RNF213: variants seen among roughly 807,000 people sequenced by gnomAD.
RNF213 encodes ring finger protein 213.
Under a neutral mutation model 514.4 loss-of-function variants are expected in RNF213, and 341 were observed. That is an observed-to-expected ratio of 0.66 (90% CI 0.61 to 0.73). The LOEUF is 0.73. RNF213 is among the 30% of genes least tolerant of loss of function. The pLI is 0.00. For synonymous variants in RNF213, 2,655 were observed against 2,658.2 expected, an observed-to-expected ratio of 1.00 and a Z score of 0.04; for missense variants, 5,767 against 6,615.6, an observed-to-expected ratio of 0.87 and a Z score of 4.45.
intron 3 of RNF213, among the ~76,000 whole-genome samples, chr17:80,277,672 G>A (rs1215413119): frequency 6.6e-6 from 1 of 151,160 alleles, no homozygotes; most frequent in African/African-American, 2.4e-5. Flanking sequence ...ATACACAGGT[G>A]AATGCCGATG....
rs1302175796 is a variant in RNF213 at position 80,353,842 on chromosome 17, G to T, written c.10578+176G>T. ...TGTTGCTGGTTACTGGGGGTCAAGGGCATCTGCACCGGCAGTTTGGGGGGT... is the reference window on the plus strand; with the variant it reads ...TGTTGCTGGTTACTGGGGGTCAAGGTCATCTGCACCGGCAGTTTGGGGGGT... On this transcript the variant is annotated intron_variant, in intron 34 of 67. Transcript: ENST00000582970. The surrounding 1 kb of genome is among the most constrained non-coding windows in gnomAD (Gnocchi z 5.0). 1.7e-6 allele frequency: 2 copies of T among 1,194,480 alleles called. No homozygotes were observed. The highest frequency in any genetic ancestry group is 1.5e-5 in the African/African-American group (1 of 66,648). 74.0% of individuals were successfully genotyped at this position (1,194,480 alleles called of 1,614,324 possible). A position where few individuals can be genotyped will look rare whatever the true frequency, so the allele number is the denominator to read the frequency against.
intron 55 of RNF213, 77 bp from the exon 56 acceptor site, chr17:80,380,754 C>T (rs563096079): frequency 6.5e-7 from 1 of 1,538,672 alleles, no homozygotes; most frequent in South Asian, 1.1e-5. Flanking sequence ...GTAAGCCTCA[C>T]TCCAAGTGCT....
rs753795997 is a variant in RNF213, at chr17:80,377,008, A to G, written c.13510+45A>G. The stretch of plus-strand genomic sequence containing the variant: ...TGACCCCACACTCCTTTGAGCTTCA[A>G]AGGGTGTCCAGATGCTATGAAGCAT... On this transcript the variant is annotated intron_variant, in intron 53 of 67. Transcript: ENST00000582970. The surrounding 1 kb of genome is among the most constrained non-coding windows in gnomAD (Gnocchi z 4.1). 2.1e-6 allele frequency: 3 copies of G among 1,453,266 alleles called. No homozygotes were observed. Among genetic ancestry groups the G allele is most frequent in the Non-Finnish European group, 2.9e-6 (3 of 1,038,032 alleles). The allele number at this position is 1,453,266 out of a possible 1,614,324, so 90.0% of individuals were successfully genotyped here. A position where few individuals can be genotyped will look rare whatever the true frequency, so the allele number is the denominator to read the frequency against.
intron 42 of RNF213, among the ~76,000 whole-genome samples, chr17:80,366,615 C>T (rs181811103): frequency 3.9e-5 from 6 of 151,956 alleles, no homozygotes; most frequent in Non-Finnish European, 5.9e-5. Context: ...ATTAAAAATA[C>T]ACACATCACT....
rs557308326 is a variant in RNF213, at chr17:80,282,499, C to T, written c.262-5316C>T. Among the ~76,000 whole-genome samples, 757 of 151,688 alleles carry T rather than the reference C, an allele frequency of 5.0e-3. 9 individuals are homozygous for T. Among genetic ancestry groups the T allele is most frequent in the Admixed American group, 9.9e-3 (151 of 15,252 alleles). The stretch of plus-strand genomic sequence containing the variant: ...CTGCAAGCTCCGCCTCCCAGGTTCA[C>T]GCCATTCTCCTGCCTCAGCCTCCCG... On this transcript the variant is annotated intron_variant, in intron 3 of 67. Coordinates refer to ENST00000582970, the MANE Select transcript of RNF213 (RefSeq NM_001256071.3).
intron 2 of RNF213, among the ~76,000 whole-genome samples, chr17:80,272,944 C>A (rs979240680): frequency 6.6e-6 from 1 of 152,106 alleles, no homozygotes; most frequent in African/African-American, 2.4e-5. Flanking sequence ...GCGCTGACAT[C>A]CTAGTACAGA....
intron 9 of RNF213, among the ~76,000 whole-genome samples, 165 bp downstream of exon 9, chr17:80,295,168 C>A (rs1445727239): frequency 6.6e-6 from 1 of 152,182 alleles, no homozygotes; most frequent in Non-Finnish European, 1.5e-5. Context: ...CTCTGCCCTC[C>A]CCCATTTTCC....
At position 80,264,608 on chromosome 17, in the gene RNF213, C is replaced by T. The variant is rs936287143; in HGVS notation, c.97+830C>T. Among the ~76,000 whole-genome samples, 5 of 152,128 alleles carry T rather than the reference C, an allele frequency of 3.3e-5. No homozygotes were observed. Among genetic ancestry groups the T allele is most frequent in the African/African-American group, 1.2e-4 (5 of 41,422 alleles). On this transcript the variant is annotated intron_variant, in intron 2 of 67. Coordinates refer to ENST00000582970, the MANE Select transcript of RNF213 (RefSeq NM_001256071.3). This position sits in a 1 kb window ranked among gnomAD's most constrained non-coding sequence, Gnocchi z 5.0. ...GCTGCTTCTATCGGACCCATCACCC[C>T]GGGGCCCTCTCCTTCCTCCATGACC...
At chr17:80,306,591 G>A (rs1341346123) in intron 12 of RNF213, 123 bp downstream of exon 12, 8 of 988,496 alleles carry the variant, frequency 8.1e-6, no homozygotes, top group African/African-American at 4.8e-5. Flanking sequence ...GGTGGCTCAC[G>A]CCTGAATCCC....
chr17:80,332,070 C>G lies in RNF213; in HGVS notation c.3582C>G (p.Thr1194=). Residue 1194 remains threonine, a synonymous_variant, in exon 21 of 68, where the codon ACC becomes ACG. Transcript: ENST00000582970. ...QDLSSKRLND[T]VTVRLSTSSN... ...TCAGCAGTAAAAGATTAAATGACAC[C>G]GTGACAGTGAGACTGTCCACCTCCT... The G allele has an allele frequency of 6.5e-7, 1 of 1,537,128 alleles. No homozygotes were observed. Among genetic ancestry groups the G allele is most frequent in the Non-Finnish European group, 8.7e-7 (1 of 1,146,890 alleles).
At chr17:80,270,738 A>C (rs76299780) in intron 2 of RNF213, among the ~76,000 whole-genome samples, 2,901 of 152,238 alleles carry the variant, frequency 0.019, 58 homozygotes, top group East Asian at 0.11. Flanking sequence ...TTATACTGGG[A>C]ACAGCCTGAA....
chr17:80,263,318 C>T lies in RNF213; in HGVS notation c.-108-256C>T, dbSNP rs1399029867. On this transcript the variant is annotated intron_variant, in intron 1 of 67. Coordinates refer to ENST00000582970, the MANE Select transcript of RNF213 (RefSeq NM_001256071.3). The surrounding 1 kb of genome is among the most constrained non-coding windows in gnomAD (Gnocchi z 4.9). ...GCTGAGCGCCTTGCTCAGGGCAGGCCGTGGGACCCTGCCGAACAGCACGTG... is the reference window on the plus strand; with the variant it reads ...GCTGAGCGCCTTGCTCAGGGCAGGCTGTGGGACCCTGCCGAACAGCACGTG... Among the ~76,000 whole-genome samples, 1 of 152,144 alleles carries T rather than the reference C, an allele frequency of 6.6e-6. No homozygotes were observed. The highest frequency in any genetic ancestry group is 6.5e-5 in the Admixed American group (1 of 15,270).
intron 2 of RNF213, among the ~76,000 whole-genome samples, chr17:80,269,800 A>G (rs572971002): frequency 2.6e-5 from 4 of 152,242 alleles, no homozygotes; most frequent in Admixed American, 2.0e-4. Flanking sequence ...CTACCTGTCT[A>G]CCTACCTACC....
At position 80,369,635 on chromosome 17, in the gene RNF213, T is replaced by C. The variant is rs1488107632; in HGVS notation, c.12289T>C (p.Phe4097Leu). Reference protein sequence around the residue: ...EVIESLLSLLFVQKGRLRDAA... With the variant: ...EVIESLLSLLLVQKGRLRDAA... ...GATTGAGAGCCTGCTCTCTCTCCTC[T>C]TCGTCCAAAAGGGGCGCTTAAGAGA... The change falls in exon 45 of 68, where the codon TTC becomes CTC. Residue 4097 changes from phenylalanine to leucine, a missense_variant. Transcript: ENST00000582970. 1 of 1,614,238 alleles carries C rather than the reference T, an allele frequency of 6.2e-7. No individual in the cohort carries two copies. The highest frequency in any genetic ancestry group is 8.5e-7 in the Non-Finnish European group (1 of 1,180,044).
At chr17:80,342,320 A>C (rs937254386) in intron 26 of RNF213, among the ~76,000 whole-genome samples, 1 of 152,138 alleles carries the variant, frequency 6.6e-6, no homozygotes, top group Non-Finnish European at 1.5e-5. Flanking sequence ...CCCTAGTGCT[A>C]AGTGGCGCGG....
rs2080570134 is a variant in RNF213, at chr17:80,393,548, C to T, written c.*50C>T. 6.3e-7 allele frequency: 1 copy of T among 1,596,180 alleles called. No individual in the cohort carries two copies. The highest frequency in any genetic ancestry group is 2.2e-5 in the East Asian group (1 of 44,720). Reference sequence around the variant, plus strand: ...ATGACTTTGGAGAGAAGACTCCTCTCTCCTCGTCTGCGGCGTGGACTTGAT... The same window carrying T: ...ATGACTTTGGAGAGAAGACTCCTCTTTCCTCGTCTGCGGCGTGGACTTGAT... On this transcript the variant is annotated 3_prime_UTR_variant, in exon 68 of 68. Transcript: ENST00000582970.
chr17:80,308,771 G>T (rs2045463790), intron 13 of RNF213, among the ~76,000 whole-genome samples: 1 of 152,148 alleles, frequency 6.6e-6, no homozygotes, highest in Non-Finnish European at 1.5e-5. Context: ...ACGCACTGAG[G>T]AGTGTTTGGA....
chr17:80,303,489 A>G lies in RNF213; in HGVS notation c.2211-2763A>G, dbSNP rs148323082. Among the ~76,000 whole-genome samples the G allele has an allele frequency of 5.8e-3, 875 of 152,164 alleles. 11 individuals carry two copies. Among genetic ancestry groups the G allele is most frequent in the African/African-American group, 0.02 (836 of 41,500 alleles). Reference sequence around the variant, plus strand: ...CTGGATCCCAACTTCTGCTAAAGGCAGTGTTACGGTCTTGCCTTTAGAAGG... The same window carrying G: ...CTGGATCCCAACTTCTGCTAAAGGCGGTGTTACGGTCTTGCCTTTAGAAGG... On this transcript the variant is annotated intron_variant, in intron 11 of 67. Coordinates refer to ENST00000582970, the MANE Select transcript of RNF213 (RefSeq NM_001256071.3).
At chr17:80,372,819 AAT>A in intron 48 of RNF213, 85 bp downstream of exon 48, 2 of 1,431,498 alleles carry the variant, frequency 1.4e-6, no homozygotes, top group Middle Eastern at 1.9e-4. Flanking sequence ...TAGTTCTTCG[AAT>A]AGACTACTAC....
Sources: allele counts gnomAD v4.1 joint callset (sites outside exome capture counted in the v4.1 genomes callset), GRCh38; gene constraint gnomAD v4.1.1; non-coding constraint Gnocchi (gnomAD v3.1); transcripts MANE v1.5; gene names NCBI Gene and HGNC (gene_info 2026-07-23, HGNC 2026-07-21).